The following KLHL6 variants were observed in gnomAD, a reference collection of about 807,000 sequenced individuals.
KLHL6 encodes kelch-like protein 6.
In KLHL6, 41 loss-of-function variants were observed where a neutral mutation model predicts 58.6. That is an observed-to-expected ratio of 0.70 (90% CI 0.55 to 0.91). The LOEUF (loss-of-function observed/expected upper bound fraction) is 0.91. Ranked by LOEUF, KLHL6 falls within the 40% of genes least tolerant of loss-of-function variation. KLHL6 has a pLI of 0.00. For missense variants in KLHL6, 714 were observed against 805.6 expected (o/e 0.89, Z 1.38); for synonymous variants, 338 against 322.7 (o/e 1.05, Z -0.51).
chr3:183,489,946 G>A lies in KLHL6; in HGVS notation c.*1981C>T, dbSNP rs1046783384. The A allele has an allele frequency of 1.1e-4, 16 of 152,010 alleles. No individual in the cohort carries two copies. The highest frequency in any genetic ancestry group is 2.1e-4 in the Non-Finnish European group (14 of 68,020). 9.4% of individuals were successfully genotyped at this position (152,010 alleles called of 1,614,324 possible). On this transcript the variant is annotated 3_prime_UTR_variant, in exon 7 of 7. Coordinates refer to ENST00000341319, the MANE Select transcript of KLHL6 (RefSeq NM_130446.4). ...ACTGCTGAAAAGAACAAGCCACACC[G>A]GATATGAAATAAAACTCTATAAAGA...
intron 4 of KLHL6, among the ~76,000 whole-genome samples, chr3:183,497,914 T>G (rs796724385): frequency 2.0e-5 from 3 of 152,350 alleles, no homozygotes; most frequent in African/African-American, 7.2e-5. Flanking sequence ...CTATTTTACT[T>G]TACGTGCTCA....
At chr3:183,532,005 A>G (rs994971323) in intron 1 of KLHL6, among the ~76,000 whole-genome samples, 1 of 152,264 alleles carries the variant, frequency 6.6e-6, no homozygotes, top group African/African-American at 2.4e-5. Context: ...TATTTTGCAT[A>G]TAAGAAGGAC....
At chr3:183,509,782 T>C (rs1462120807) in intron 2 of KLHL6, among the ~76,000 whole-genome samples, 1 of 152,136 alleles carries the variant, frequency 6.6e-6, no homozygotes, top group Non-Finnish European at 1.5e-5. Flanking sequence ...AAATTTGTCA[T>C]CAAGGGAACC....
At chr3:183,516,032 C>T (rs1479899940) in intron 2 of KLHL6, among the ~76,000 whole-genome samples, 2 of 152,224 alleles carry the variant, frequency 1.3e-5, no homozygotes, top group African/African-American at 4.8e-5. Context: ...CAAGTTCACA[C>T]TGCTAGGAGG....
intron 2 of KLHL6, among the ~76,000 whole-genome samples, chr3:183,512,992 A>T (rs1454671108): frequency 6.6e-6 from 1 of 152,204 alleles, no homozygotes. Context: ...TCTCATTTAT[A>T]GAGAAAATAC....
Position 183,492,498 on chromosome 3 carries a change from G to A in KLHL6, c.1560C>T (p.Val520=), listed in dbSNP as rs531623393. 5 of 1,614,120 alleles carry A rather than the reference G, an allele frequency of 3.1e-6. No individual in the cohort carries two copies. The Admixed American group carries it at 8.3e-5, about 27-fold the overall frequency. ...NAVSFRDRIY[V]VGGAMRALYA... ...CAATAAGAAGCCATTACTCACCAAC[G>A]ACATAGATGCGGTCCCGGAAACTCA... The change falls in exon 6 of 7, where the codon GTC becomes GTT. Residue 520 remains valine, a synonymous_variant. Transcript: ENST00000341319. The surrounding 1 kb of genome is among the most constrained non-coding windows in gnomAD (Gnocchi z 5.9).
chr3:183,515,639 G>T (rs558406775), intron 2 of KLHL6, among the ~76,000 whole-genome samples: 1 of 152,234 alleles, frequency 6.6e-6, no homozygotes, highest in African/African-American at 2.4e-5. Context: ...CTTCCTTGAC[G>T]GCTTCTCCTA....
intron 4 of KLHL6, among the ~76,000 whole-genome samples, chr3:183,497,967 G>C (rs996287916): frequency 1.3e-5 from 2 of 152,198 alleles, no homozygotes; most frequent in Non-Finnish European, 2.9e-5. Flanking sequence ...CGGGCGCAGT[G>C]GCTCACGCTT....
In KLHL6 at chr3:183,492,435, T is replaced by C; in HGVS notation, c.1564+59A>G. The stretch of plus-strand genomic sequence containing the variant: ...ACACCGCGACACACCGTTTACGTGC[T>C]GCAGCCAGGCGCTCATCAGGTTCTA... On this transcript the variant is annotated intron_variant, in intron 6 of 6. Coordinates refer to ENST00000341319, the MANE Select transcript of KLHL6 (RefSeq NM_130446.4). The surrounding 1 kb of genome is among the most constrained non-coding windows in gnomAD (Gnocchi z 5.9). 1.3e-6 allele frequency: 2 copies of C among 1,577,714 alleles called. No homozygotes were observed. The highest frequency in any genetic ancestry group is 4.5e-5 in the East Asian group (2 of 44,592).
At chr3:183,552,807 CA>C (rs1382952077) in intron 1 of KLHL6, among the ~76,000 whole-genome samples, 1 of 150,696 alleles carries the variant, frequency 6.6e-6, no homozygotes, top group Non-Finnish European at 1.5e-5. Context: ...GAACCCCTTT[CA>C]AAACCTCAGA....
intron 3 of KLHL6, among the ~76,000 whole-genome samples, chr3:183,502,347 A>G (rs1717889950): frequency 6.6e-6 from 1 of 151,980 alleles, no homozygotes; most frequent in Non-Finnish European, 1.5e-5. Flanking sequence ...TGAATGGGCA[A>G]GCTAGGTAAC....
Position 183,492,319 on chromosome 3 carries a change from A to G in KLHL6, c.1565-91T>C, listed in dbSNP as rs1300057398. On this transcript the variant is annotated intron_variant, in intron 6 of 6. Coordinates refer to ENST00000341319, the MANE Select transcript of KLHL6 (RefSeq NM_130446.4). The surrounding 1 kb of genome is among the most constrained non-coding windows in gnomAD (Gnocchi z 5.9). ...TAAAATTCAACTTCTGATTAGGCCA[A>G]GTCTACCCTCTTGCCAAGAGAAACA... The G allele has an allele frequency of 4.2e-5, 57 of 1,363,916 alleles. No homozygotes were observed. The highest frequency in any genetic ancestry group is 5.4e-5 in the Non-Finnish European group (54 of 1,004,278). 84.5% of individuals were successfully genotyped at this position (1,363,916 alleles called of 1,614,324 possible). A position where few individuals can be genotyped will look rare whatever the true frequency, so the allele number is the denominator to read the frequency against.
At chr3:183,549,594 C>G (rs1381355487) in intron 1 of KLHL6, among the ~76,000 whole-genome samples, 1 of 152,148 alleles carries the variant, frequency 6.6e-6, no homozygotes, top group African/African-American at 2.4e-5. Context: ...CTGCAACCTC[C>G]GCCTCCCAGA....
chr3:183,544,007 T>C lies in KLHL6; in HGVS notation c.293+11354A>G, dbSNP rs1000205313. Among the ~76,000 whole-genome samples, 10 of 151,756 alleles carry C rather than the reference T, an allele frequency of 6.6e-5. No individual in the cohort carries two copies. The East Asian group carries it at 7.7e-4, about 12-fold the overall frequency. ...GGTGAAACCCCATCTCTACTAAAAA[T>C]ACAAAATTAGCCGGGCATAGTGGCA... On this transcript the variant is annotated intron_variant, in intron 1 of 6. Transcript: ENST00000341319.
intron 2 of KLHL6, among the ~76,000 whole-genome samples, chr3:183,514,664 T>C (rs570417363): frequency 2.2e-4 from 33 of 151,698 alleles, no homozygotes; most frequent in African/African-American, 7.7e-4. Context: ...TTTTTTTAAA[T>C]TTAATTTAAT....
intron 1 of KLHL6, among the ~76,000 whole-genome samples, chr3:183,545,735 A>G (rs1712697743): frequency 6.6e-6 from 1 of 152,242 alleles, no homozygotes. Flanking sequence ...CATTGTATGC[A>G]TGGCACATCT....
chr3:183,545,212 TTCCTA>T (rs1712681228), intron 1 of KLHL6, among the ~76,000 whole-genome samples: 1 of 152,208 alleles, frequency 6.6e-6, no homozygotes. Flanking sequence ...TTGACTTGAT[TTCCTA>T]TCCCTCGAAA....
At chr3:183,519,895 CAAAAAAAA>C (rs56101517) in intron 2 of KLHL6, among the ~76,000 whole-genome samples, 22 of 83,258 alleles carry the variant, frequency 2.6e-4, no homozygotes, top group Non-Finnish European at 2.6e-4. Flanking sequence ...AACCCTGTCT[CAAAAAAAA>C]AAAAAAAAAA....
At chr3:183,551,634 A>G (rs1712919260) in intron 1 of KLHL6, among the ~76,000 whole-genome samples, 1 of 152,316 alleles carries the variant, frequency 6.6e-6, no homozygotes, top group South Asian at 2.1e-4. Context: ...GAGGTTAGGT[A>G]AGGATACTAA....
Sources: gnomAD v4.1 joint callset for allele counts (sites outside exome capture counted in the v4.1 genomes callset) on GRCh38, gnomAD v4.1.1 for gene constraint, Gnocchi (gnomAD v3.1) non-coding constraint, MANE v1.5 for transcripts, NCBI Gene and HGNC (gene_info 2026-07-23, HGNC 2026-07-21) for gene names.